CACNG4: variants seen among roughly 807,000 people sequenced by gnomAD.
The protein encoded by CACNG4 is calcium voltage-gated channel auxiliary subunit gamma 4.
CACNG4 carries 8 observed loss-of-function variants against 22.9 expected under a neutral mutation model. The observed-to-expected ratio is 0.35, with a 90% CI of 0.21 to 0.63. CACNG4 has a LOEUF of 0.63. CACNG4 is among the 30% of genes least tolerant of loss of function. The probability of loss-of-function intolerance (pLI) is 0.72; values close to 1 mark genes in which losing one functional copy is unlikely to be tolerated. For missense variants in CACNG4, 357 were observed against 455.4 expected (o/e 0.78, Z 1.97); for synonymous variants, 188 against 191.9 (o/e 0.98, Z 0.17).
intron 1 of CACNG4, among the ~76,000 whole-genome samples, chr17:67,009,577 A>G (rs948876109): frequency 1.3e-5 from 2 of 152,158 alleles, no homozygotes; most frequent in South Asian, 2.1e-4. Flanking sequence ...ACTACAAAAT[A>G]TAGTGTATCT....
intron 1 of CACNG4, among the ~76,000 whole-genome samples, chr17:67,000,469 G>A (rs1347769407): frequency 6.6e-6 from 1 of 152,098 alleles, no homozygotes; most frequent in African/African-American, 2.4e-5. Flanking sequence ...AAAACTCCAG[G>A]AGGAAGCTGA....
At chr17:67,000,961 G>T (rs1237604549) in intron 1 of CACNG4, among the ~76,000 whole-genome samples, 2 of 152,046 alleles carry the variant, frequency 1.3e-5, no homozygotes, top group African/African-American at 4.8e-5. Flanking sequence ...CCCTGATATG[G>T]TTTGGCTGTG....
intron 1 of CACNG4, among the ~76,000 whole-genome samples, chr17:67,010,915 C>T (rs541734852): frequency 6.6e-6 from 1 of 152,188 alleles, no homozygotes; most frequent in Admixed American, 6.5e-5. Context: ...TGCAGTGTGC[C>T]CCTTTCTGAG....
At chr17:67,022,710 C>T (rs529682228) in intron 2 of CACNG4, among the ~76,000 whole-genome samples, 2 of 152,346 alleles carry the variant, frequency 1.3e-5, no homozygotes, top group South Asian at 2.1e-4. Context: ...CTGTCCCCTG[C>T]GGGGGCCACC....
Position 66,989,010 on chromosome 17 carries a change from A to C in CACNG4, c.220+23879A>C, listed in dbSNP as rs759094948. Among the ~76,000 whole-genome samples the C allele has an allele frequency of 5.5e-4, 82 of 149,992 alleles. 1 individual carries two copies. The highest frequency in any genetic ancestry group is 2.2e-4 in the Non-Finnish European group (15 of 67,704). On this transcript the variant is annotated intron_variant, in intron 1 of 3. Coordinates refer to ENST00000262138, the MANE Select transcript of CACNG4 (RefSeq NM_014405.4). ...CAGTAGGTGGAGGTTGCAGTGAGCCAAGATCATGCCACTGTACTCCAGCCT... is the reference window on the plus strand; with the variant it reads ...CAGTAGGTGGAGGTTGCAGTGAGCCCAGATCATGCCACTGTACTCCAGCCT...
intron 3 of CACNG4, among the ~76,000 whole-genome samples, chr17:67,026,485 CTGTATTTGAGGAATGTGGTGTATGTGTG>C (rs2035567416): frequency 1.6e-5 from 2 of 128,372 alleles, no homozygotes; most frequent in East Asian, 2.4e-4. Flanking sequence ...TGGGGTGTGT[CTGTATTTGAGGAATGTGGTGTATGTGTG>C]TGTATTTGAG....
intron 1 of CACNG4, among the ~76,000 whole-genome samples, chr17:66,981,937 A>G (rs575415415): frequency 1.3e-5 from 2 of 151,054 alleles, no homozygotes; most frequent in Non-Finnish European, 2.9e-5. Flanking sequence ...TAACTCTTAT[A>G]AAAAAAAATT....
intron 1 of CACNG4, among the ~76,000 whole-genome samples, chr17:67,013,930 C>G (rs935360380): frequency 6.6e-6 from 1 of 152,240 alleles, no homozygotes; most frequent in Non-Finnish European, 1.5e-5. Flanking sequence ...GCACACACCC[C>G]GTGCCTGTTA....
Position 67,031,959 on chromosome 17 carries a change from T to C in CACNG4, c.*955T>C, listed in dbSNP as rs1342271104. The C allele has an allele frequency of 4.4e-6, 2 of 456,730 alleles. No homozygotes were observed. Among genetic ancestry groups the C allele is most frequent in the Non-Finnish European group, 8.8e-6 (2 of 226,976 alleles). 28.3% of individuals were successfully genotyped at this position (456,730 alleles called of 1,614,324 possible). A position where few individuals can be genotyped will look rare whatever the true frequency, so the allele number is the denominator to read the frequency against. On this transcript the variant is annotated 3_prime_UTR_variant, in exon 4 of 4. Coordinates refer to ENST00000262138, the MANE Select transcript of CACNG4 (RefSeq NM_014405.4). The surrounding 1 kb of genome is among the most constrained non-coding windows in gnomAD (Gnocchi z 4.0). ...GACTTCTGTGCAAGAAAGGGAGACCTAAGGGTGAACAGTGGCCAATAAAAA... is the reference window on the plus strand; with the variant it reads ...GACTTCTGTGCAAGAAAGGGAGACCCAAGGGTGAACAGTGGCCAATAAAAA...
At chr17:66,973,638 C>A (rs937450591) in intron 1 of CACNG4, among the ~76,000 whole-genome samples, 1 of 152,218 alleles carries the variant, frequency 6.6e-6, no homozygotes, top group Non-Finnish European at 1.5e-5. Flanking sequence ...GAAACTCCCT[C>A]CCGTGGTGTC....
intron 1 of CACNG4, among the ~76,000 whole-genome samples, chr17:67,010,198 A>C (rs1198013819): frequency 6.6e-6 from 1 of 151,758 alleles, no homozygotes; most frequent in Non-Finnish European, 1.5e-5. Context: ...CTCCCTGACT[A>C]CTCGCTGTCC....
intron 1 of CACNG4, among the ~76,000 whole-genome samples, chr17:67,017,815 C>T (rs1330034414): frequency 2.6e-5 from 4 of 152,102 alleles, no homozygotes. Context: ...CGTGCCCAGC[C>T]TGTTTTTTAT....
chr17:67,030,950 C>T lies in CACNG4; in HGVS notation c.930C>T (p.Asp310=), dbSNP rs2035601691. The change falls in exon 4 of 4, where the codon GAC becomes GAT. Residue 310 remains aspartate (D), a synonymous_variant. Transcript: ENST00000262138. This position sits in a 1 kb window ranked among gnomAD's most constrained non-coding sequence, Gnocchi z 6.4. The part of the protein sequence containing the change: ...FLQVHDFFQQ[D]LKEGFHVSML... ...AGGTGCATGACTTTTTCCAGCAGGACCTGAAGGAAGGTTTCCACGTCAGCA... is the reference window on the plus strand; with the variant it reads ...AGGTGCATGACTTTTTCCAGCAGGATCTGAAGGAAGGTTTCCACGTCAGCA... 1 of 1,613,738 alleles carries T rather than the reference C, an allele frequency of 6.2e-7. No homozygotes were observed. The highest frequency in any genetic ancestry group is 1.3e-5 in the African/African-American group (1 of 74,928).
chr17:67,007,601 C>T (rs974804656), intron 1 of CACNG4, among the ~76,000 whole-genome samples: 6 of 152,070 alleles, frequency 3.9e-5, no homozygotes, highest in African/African-American at 1.2e-4. Flanking sequence ...CCAGGCTTCT[C>T]GGTGATGTGC....
chr17:67,025,138 TA>T (rs2035556365), intron 3 of CACNG4, 138 bp downstream of exon 3: 7 of 797,282 alleles, frequency 8.8e-6, no homozygotes, highest in Non-Finnish European at 1.3e-5. Context: ...AACTGACTTG[TA>T]AAGTCCCAAT....
intron 2 of CACNG4, among the ~76,000 whole-genome samples, chr17:67,019,276 G>T (rs1482711679): frequency 6.6e-6 from 1 of 152,046 alleles, no homozygotes; most frequent in African/African-American, 2.4e-5. Flanking sequence ...TAGAGCCTGG[G>T]GCAGTGTCAG....
In CACNG4 at chr17:67,028,501, C is replaced by G. The variant is rs2035581850; in HGVS notation, c.446-1965C>G. Among the ~76,000 whole-genome samples, 3 of 150,842 alleles carry G rather than the reference C, an allele frequency of 2.0e-5. No homozygotes were observed. In the South Asian group the frequency reaches 6.3e-4, roughly 32 times the overall value. ...CCGGGAGGCGGAGCTTGCAGTGAGC[C>G]AAGATCGCGCCACTGCACTCCAGCC... On this transcript the variant is annotated intron_variant, in intron 3 of 3. Transcript: ENST00000262138.
rs142622952 is a variant in CACNG4, at chr17:66,975,510, G to C, written c.220+10379G>C. ...TAGGAGCATCATAGAATCAACCCTGGGGTTGTGAAGTTATATGAGAAAAAA... is the reference window on the plus strand; with the variant it reads ...TAGGAGCATCATAGAATCAACCCTGCGGTTGTGAAGTTATATGAGAAAAAA... On this transcript the variant is annotated intron_variant, in intron 1 of 3. Coordinates refer to ENST00000262138, the MANE Select transcript of CACNG4 (RefSeq NM_014405.4). 2.0e-5 allele frequency among the ~76,000 whole-genome samples: 3 copies of C among 152,264 alleles called. No individual in the cohort carries two copies. In the East Asian group the frequency reaches 5.8e-4, roughly 29 times the overall value.
intron 1 of CACNG4, among the ~76,000 whole-genome samples, chr17:66,997,439 C>T (rs2143319097): frequency 6.6e-6 from 1 of 152,220 alleles, no homozygotes; most frequent in East Asian, 1.9e-4. Context: ...CCATGCTGAG[C>T]CCTGTGGCCC....
Sources: gnomAD v4.1 joint callset for allele counts (sites outside exome capture counted in the v4.1 genomes callset) on GRCh38, gnomAD v4.1.1 for gene constraint, Gnocchi (gnomAD v3.1) non-coding constraint, MANE v1.5 for transcripts, NCBI Gene and HGNC (gene_info 2026-07-23, HGNC 2026-07-21) for gene names.